The following CTNNA3 variants were observed in gnomAD, a reference collection of about 807,000 sequenced individuals.
CTNNA3 encodes catenin alpha-3.
Under a neutral mutation model 95.7 loss-of-function variants are expected in CTNNA3, and 76 were observed. That is an observed-to-expected ratio of 0.79 (90% CI 0.66 to 0.96). The LOEUF (loss-of-function observed/expected upper bound fraction) is 0.96. Ranked by LOEUF, CTNNA3 falls within the 40% of genes least tolerant of loss-of-function variation. The pLI is 0.00. For synonymous variants in CTNNA3, 431 were observed against 374.4 expected, an observed-to-expected ratio of 1.15 and a Z score of -1.74; for missense variants, 1,191 against 1,089.8, an observed-to-expected ratio of 1.09 and a Z score of -1.31.
At chr10:67,501,546 C>T (rs531824140) in intron 5 of CTNNA3, among the ~76,000 whole-genome samples, 1 of 152,232 alleles carries the variant, frequency 6.6e-6, no homozygotes, top group South Asian at 2.1e-4. Context: ...TGGTTAGTAT[C>T]CTGAAGAGTG....
intron 10 of CTNNA3, among the ~76,000 whole-genome samples, chr10:66,592,112 A>T (rs1176309245): frequency 1.3e-5 from 2 of 151,924 alleles, no homozygotes; most frequent in Non-Finnish European, 2.9e-5. Context: ...AAAAAAAAAA[A>T]ATGGTGACTC....
intron 12 of CTNNA3, among the ~76,000 whole-genome samples, chr10:66,331,478 C>T (rs942093351): frequency 1.1e-4 from 16 of 149,934 alleles, no homozygotes; most frequent in Non-Finnish European, 1.6e-4. Context: ...CTCAGCCTCC[C>T]GTGTAGCTGG....
intron 15 of CTNNA3, among the ~76,000 whole-genome samples, chr10:66,010,828 C>G (rs2078991838): frequency 6.6e-6 from 1 of 152,196 alleles, no homozygotes; most frequent in African/African-American, 2.4e-5. Context: ...AGCATTCAGT[C>G]AAGTCATATG....
At chr10:66,120,641 C>T (rs975968498) in intron 13 of CTNNA3, among the ~76,000 whole-genome samples, 1 of 152,060 alleles carries the variant, frequency 6.6e-6, no homozygotes, top group Non-Finnish European at 1.5e-5. Context: ...AGAACAGCTG[C>T]TAACACAATT....
At chr10:67,226,008 G>A (rs1864896986) in intron 5 of CTNNA3, among the ~76,000 whole-genome samples, 1 of 152,074 alleles carries the variant, frequency 6.6e-6, no homozygotes, top group Admixed American at 6.6e-5. Context: ...TATTCAAGGA[G>A]ATAGATAGCT....
At position 67,576,477 on chromosome 10, in the gene CTNNA3, G is replaced by C. The variant is rs187062352; in HGVS notation, c.292+30380C>G. Among the ~76,000 whole-genome samples, 760 of 152,034 alleles carry C rather than the reference G, an allele frequency of 5.0e-3. 7 individuals carry two copies. The highest frequency in any genetic ancestry group is 0.017 in the African/African-American group (716 of 41,500). Reference sequence around the variant, plus strand: ...AAATCTAAAGTTTTTAGTTCCATGAGTGGTACACGGTAAGCTTTCAAAAAT... The same window carrying C: ...AAATCTAAAGTTTTTAGTTCCATGACTGGTACACGGTAAGCTTTCAAAAAT... On this transcript the variant is annotated intron_variant, in intron 3 of 17. Coordinates refer to ENST00000433211, the MANE Select transcript of CTNNA3 (RefSeq NM_013266.4).
chr10:67,178,253 A>C (rs1289544328), intron 7 of CTNNA3, among the ~76,000 whole-genome samples: 1 of 152,146 alleles, frequency 6.6e-6, no homozygotes, highest in Non-Finnish European at 1.5e-5. Flanking sequence ...TCACTTTATA[A>C]GTACCTCTAT....
At chr10:66,803,895 A>T (rs1841534450) in intron 7 of CTNNA3, among the ~76,000 whole-genome samples, 1 of 151,890 alleles carries the variant, frequency 6.6e-6, no homozygotes. Flanking sequence ...CTTGCCAACA[A>T]TTTTTTGCCT....
Position 67,074,063 on chromosome 10 carries a change from G to T in CTNNA3, c.1047+106254C>A, listed in dbSNP as rs1364807319. 7.9e-5 allele frequency among the ~76,000 whole-genome samples: 10 copies of T among 126,478 alleles called. No homozygotes were observed. In the East Asian group the frequency reaches 2.4e-3, roughly 30 times the overall value. 83.0% of individuals were successfully genotyped at this position (126,478 alleles called of 152,430 possible). On this transcript the variant is annotated intron_variant, in intron 7 of 17. Coordinates refer to ENST00000433211, the MANE Select transcript of CTNNA3 (RefSeq NM_013266.4). ...TTTTTTTTTTTTTTTTTGAGACAGA[G>T]TCTGGCTCTGTCTCCAGGCTGGAGT...
At chr10:66,881,995 C>T (rs16923656) in intron 7 of CTNNA3, among the ~76,000 whole-genome samples, 6,197 of 152,114 alleles carry the variant, frequency 0.041, 409 homozygotes, top group African/African-American at 0.14. Context: ...ATGACCTTCT[C>T]GAGTTGTGGA....
intron 9 of CTNNA3, among the ~76,000 whole-genome samples, chr10:66,748,749 C>A (rs758006652): frequency 2.0e-5 from 3 of 152,022 alleles, no homozygotes; most frequent in Non-Finnish European, 4.4e-5. Context: ...ACAGAGAGTT[C>A]CCATACACCC....
At chr10:66,238,869 G>A (rs931042563) in intron 13 of CTNNA3, among the ~76,000 whole-genome samples, 1 of 151,888 alleles carries the variant, frequency 6.6e-6, no homozygotes, top group African/African-American at 2.4e-5. Flanking sequence ...TGACCATGAA[G>A]TAAGCATCCT....
At chr10:67,168,682 A>C (rs548561975) in intron 7 of CTNNA3, among the ~76,000 whole-genome samples, 1 of 152,366 alleles carries the variant, frequency 6.6e-6, no homozygotes, top group South Asian at 2.1e-4. Context: ...ATTATACTGA[A>C]AGGGCAAAAG....
chr10:66,847,492 C>T (rs1843324597), intron 7 of CTNNA3, among the ~76,000 whole-genome samples: 1 of 152,102 alleles, frequency 6.6e-6, no homozygotes, highest in Non-Finnish European at 1.5e-5. Flanking sequence ...AAACCGTTTG[C>T]ATTTGAATGG....
At chr10:67,512,852 G>T (rs981252521) in intron 5 of CTNNA3, among the ~76,000 whole-genome samples, 8 of 152,174 alleles carry the variant, frequency 5.3e-5, no homozygotes, top group African/African-American at 1.9e-4. Flanking sequence ...AGGCATGATG[G>T]TACACACCTG....
chr10:66,020,972 C>T (rs1205874899), intron 15 of CTNNA3, among the ~76,000 whole-genome samples: 2 of 152,082 alleles, frequency 1.3e-5, no homozygotes, highest in Non-Finnish European at 1.5e-5. Flanking sequence ...TGCATCCGGC[C>T]GATGATCTGA....
At chr10:66,099,011 G>A (rs191780840) in intron 14 of CTNNA3, among the ~76,000 whole-genome samples, 5 of 152,144 alleles carry the variant, frequency 3.3e-5, no homozygotes, top group African/African-American at 9.7e-5. Flanking sequence ...AATAATAAAT[G>A]ATGTTGAGCT....
chr10:67,734,925 TATAC>T (rs1003537205), intron 1 of CTNNA3, among the ~76,000 whole-genome samples: 4 of 152,174 alleles, frequency 2.6e-5, no homozygotes, highest in African/African-American at 9.7e-5. Context: ...TATAGCTGAT[TATAC>T]ATACATATAT....
At chr10:66,127,072 T>C (rs2082861814) in intron 13 of CTNNA3, among the ~76,000 whole-genome samples, 2 of 151,628 alleles carry the variant, frequency 1.3e-5, no homozygotes, top group African/African-American at 2.4e-5. Context: ...ATAGAGACCA[T>C]CCTGCTGGCT....
Sources: allele counts gnomAD v4.1 joint callset (sites outside exome capture counted in the v4.1 genomes callset), GRCh38; gene constraint gnomAD v4.1.1; transcripts MANE v1.5; gene names NCBI Gene and HGNC (gene_info 2026-07-23, HGNC 2026-07-21).